Variants in IER3IP1 observed in about 807,000 individuals in gnomAD.
IER3IP1 encodes immediate early response 3-interacting protein 1.
Under a neutral mutation model 12.2 loss-of-function variants are expected in IER3IP1, and 16 were observed. The observed-to-expected ratio is 1.31, with a 90% CI of 0.89 to 1.99. The LOEUF (loss-of-function observed/expected upper bound fraction) is 1.99, where lower values mean the gene tolerates loss of function less well. IER3IP1 is among the 30% of genes most tolerant of loss of function. The pLI, the probability that IER3IP1 is intolerant of heterozygous loss-of-function variation, is 0.00. For synonymous variants in IER3IP1, 42 were observed against 40.0 expected, an observed-to-expected ratio of 1.05 and a Z score of -0.19; for missense variants, 95 against 95.8, an observed-to-expected ratio of 0.99 and a Z score of 0.03.
chr18:47,167,053 G>GT (rs773345227), intron 1 of IER3IP1, among the ~76,000 whole-genome samples: 4,737 of 145,640 alleles, frequency 0.033, 67 homozygotes, highest in Non-Finnish European at 0.045. Context: ...GTTTGTAGCA[G>GT]TTTTTTTTTT....
intron 1 of IER3IP1, among the ~76,000 whole-genome samples, chr18:47,162,849 G>GA (rs138635356): frequency 0.052 from 7,983 of 152,070 alleles, 255 homozygotes; most frequent in East Asian, 0.092. Context: ...TTTCAATCTA[G>GA]AATGCTATAT....
In IER3IP1 at chr18:47,172,940, T is replaced by G. The variant is rs895813427; in HGVS notation, c.91+3247A>C. ...CCATCTCTACCTAAACAATAAATAC[T>G]AGAGGAGATTCTAGGGCTGTCTGGG... On this transcript the variant is annotated intron_variant, in intron 1 of 2. Transcript: ENST00000256433. The surrounding 1 kb of genome is among the most constrained non-coding windows in gnomAD (Gnocchi z 4.0). Among the ~76,000 whole-genome samples, 8 of 152,198 alleles carry G rather than the reference T, an allele frequency of 5.3e-5. No homozygotes were observed. Among genetic ancestry groups the G allele is most frequent in the Non-Finnish European group, 8.8e-5 (6 of 68,034 alleles).
In IER3IP1 at chr18:47,154,352, G is replaced by C. The variant is rs1369551691; in HGVS notation, c.*1825C>G. Reference sequence around the variant, plus strand: ...ATGACATATTTTGATGTTCAGTTCAGTGCTTCACTTTCCTCAGAACTACTT... The same window carrying C: ...ATGACATATTTTGATGTTCAGTTCACTGCTTCACTTTCCTCAGAACTACTT... On this transcript the variant is annotated 3_prime_UTR_variant, in exon 3 of 3. Coordinates refer to ENST00000256433, the MANE Select transcript of IER3IP1 (RefSeq NM_016097.5). The C allele has an allele frequency of 6.6e-6, 1 of 152,178 alleles. No individual in the cohort carries two copies. Among genetic ancestry groups the C allele is most frequent in the African/African-American group, 2.4e-5 (1 of 41,424 alleles). The allele number at this position is 152,178 out of a possible 1,614,324, so 9.4% of individuals were successfully genotyped here.
rs1011525063 is a variant in IER3IP1 at position 47,176,191 on chromosome 18, C to T, written c.87G>A (p.Lys29=). ...IAVLHEERFL[K]NIGWGTDQGI... ...GCGCCCCGCGGTCCCACTCACTGTTCTTGAGGAATCGCTCCTCGTGCAGCA... is the reference window on the plus strand; with the variant it reads ...GCGCCCCGCGGTCCCACTCACTGTTTTTGAGGAATCGCTCCTCGTGCAGCA... Residue 29 remains lysine, a synonymous_variant, in exon 1 of 3, where the codon AAG becomes AAA. Transcript: ENST00000256433. The T allele has an allele frequency of 8.8e-6, 14 of 1,594,792 alleles. No homozygotes were observed. The highest frequency in any genetic ancestry group is 1.1e-5 in the Non-Finnish European group (13 of 1,170,912).
intron 1 of IER3IP1, 75 bp from the exon 2 acceptor site, chr18:47,157,612 T>C (rs2144423361): frequency 1.5e-6 from 2 of 1,290,950 alleles, no homozygotes; most frequent in Non-Finnish European, 2.3e-6. Flanking sequence ...TCTAAAAGAT[T>C]AGTTTGAGAC....
At chr18:47,173,714 A>T (rs966967651) in intron 1 of IER3IP1, among the ~76,000 whole-genome samples, 2 of 152,200 alleles carry the variant, frequency 1.3e-5, no homozygotes, top group African/African-American at 2.4e-5. Context: ...GGGTGGCTTA[A>T]CAGAAATTTT....
intron 1 of IER3IP1, among the ~76,000 whole-genome samples, chr18:47,158,910 C>A (rs2063970403): frequency 6.6e-6 from 1 of 151,998 alleles, no homozygotes. Flanking sequence ...CTGCAGTGAG[C>A]CATGATCATG....
intron 1 of IER3IP1, among the ~76,000 whole-genome samples, chr18:47,160,397 G>A (rs1245090423): frequency 1.3e-5 from 2 of 152,160 alleles, no homozygotes; most frequent in Non-Finnish European, 2.9e-5. Flanking sequence ...TAACTTCGCT[G>A]GCTTCTTCAG....
chr18:47,168,199 G>A (rs1288526164), intron 1 of IER3IP1, among the ~76,000 whole-genome samples: 1 of 145,064 alleles, frequency 6.9e-6, no homozygotes, highest in Non-Finnish European at 1.5e-5. Flanking sequence ...CAGCTATTCG[G>A]CAGGCTGAGG....
chr18:47,156,769 ATTTTTC>A (rs1442306654), intron 2 of IER3IP1: 1 of 136,654 alleles, frequency 7.3e-6, no homozygotes, highest in Non-Finnish European at 1.6e-5. Flanking sequence ...CGAAATCTCT[ATTTTTC>A]TTTTTTCTTT....
At chr18:47,157,614 G>A in intron 1 of IER3IP1, 77 bp from the exon 2 acceptor site, 1 of 1,257,998 alleles carries the variant, frequency 7.9e-7, no homozygotes, top group South Asian at 1.2e-5. Context: ...TAAAAGATTA[G>A]TTTGAGACCT....
At chr18:47,171,325 G>A (rs955611963) in intron 1 of IER3IP1, among the ~76,000 whole-genome samples, 2 of 152,100 alleles carry the variant, frequency 1.3e-5, no homozygotes, top group Non-Finnish European at 2.9e-5. Flanking sequence ...GATATAGGTC[G>A]ATAGTCTCTT....
chr18:47,159,300 TG>T (rs1424812503), intron 1 of IER3IP1, among the ~76,000 whole-genome samples: 1 of 152,256 alleles, frequency 6.6e-6, no homozygotes, highest in Non-Finnish European at 1.5e-5. Flanking sequence ...CCATTGCATA[TG>T]CAATTGACCA....
At chr18:47,175,387 C>T (rs924262367) in intron 1 of IER3IP1, among the ~76,000 whole-genome samples, 41 of 152,148 alleles carry the variant, frequency 2.7e-4, no homozygotes, top group Admixed American at 2.5e-3. Flanking sequence ...CACTTATTGC[C>T]TTCCATCAGT....
chr18:47,162,196 G>A (rs180848419), intron 1 of IER3IP1, among the ~76,000 whole-genome samples: 35 of 152,170 alleles, frequency 2.3e-4, no homozygotes, highest in Middle Eastern at 6.8e-3. Flanking sequence ...CTGGAAATTG[G>A]CCAGTTGTCG....
At position 47,156,144 on chromosome 18, in the gene IER3IP1, C is replaced by T. The variant is rs1156596040; in HGVS notation, c.*33G>A. 2 of 1,301,812 alleles carry T rather than the reference C, an allele frequency of 1.5e-6. No homozygotes were observed. Among genetic ancestry groups the T allele is most frequent in the East Asian group, 2.3e-5 (1 of 43,318 alleles). The allele number at this position is 1,301,812 out of a possible 1,614,324, so 80.6% of individuals were successfully genotyped here. On this transcript the variant is annotated 3_prime_UTR_variant, in exon 3 of 3. Transcript: ENST00000256433. ...AAAGTAATAACTTCTACTGGCATGT[C>T]CTCTTCTGAGTCTCCATTTTCTCCA...
At chr18:47,175,759 C>G (rs1006609024) in intron 1 of IER3IP1, among the ~76,000 whole-genome samples, 15 of 152,124 alleles carry the variant, frequency 9.9e-5, no homozygotes, top group African/African-American at 3.6e-4. Context: ...CCGCGCCCGG[C>G]CCCACACCCC....
At chr18:47,157,370 C>CA in intron 2 of IER3IP1, 66 bp downstream of exon 2, 2 of 1,360,008 alleles carry the variant, frequency 1.5e-6, no homozygotes, top group South Asian at 2.3e-5. Context: ...TATTCACACT[C>CA]AGAAGCCTTG....
At position 47,157,456 on chromosome 18, in the gene IER3IP1, G is replaced by A; in HGVS notation, c.173C>T (p.Ser58Phe). Residue 58 changes from serine to phenylalanine, a missense_variant, in exon 2 of 3, where the codon TCT becomes TTT. By Grantham distance (155) the Ser-to-Phe change is radical (BLOSUM62 -2). Transcript: ENST00000256433. ...CTTACCTCTCATCACGGTTCTTACA[G>A]ATCGAATAAGGTTCATTAGCTGTGA... Reference protein sequence around the residue: ...IKSQLMNLIRSVRTVMRVPLI... With the variant: ...IKSQLMNLIRFVRTVMRVPLI... 1 of 1,613,890 alleles carries A rather than the reference G, an allele frequency of 6.2e-7. No homozygotes were observed. The highest frequency in any genetic ancestry group is 1.1e-5 in the South Asian group (1 of 91,080).
Sources: gnomAD v4.1 joint callset for allele counts (sites outside exome capture counted in the v4.1 genomes callset) on GRCh38, gnomAD v4.1.1 for gene constraint, Gnocchi (gnomAD v3.1) non-coding constraint, MANE v1.5 for transcripts, NCBI Gene and HGNC (gene_info 2026-07-23, HGNC 2026-07-21) for gene names.